Variants in PDE4D observed in about 807,000 individuals in gnomAD.
PDE4D encodes 3',5'-cyclic-AMP phosphodiesterase 4D.
In PDE4D, 24 loss-of-function variants were observed where a neutral mutation model predicts 87.4. The observed-to-expected ratio is 0.27, with a 90% CI of 0.20 to 0.39. The LOEUF (loss-of-function observed/expected upper bound fraction) is 0.39, where lower values mean the gene tolerates loss of function less well. Among genes scored for constraint, PDE4D ranks in the 10% least tolerant of loss-of-function variants. The pLI is 1.00. For missense variants in PDE4D, 714 were observed against 1,041.0 expected (o/e 0.69, Z 4.32); for synonymous variants, 384 against 383.2 (o/e 1.00, Z -0.02).
At chr5:59,171,681 A>G (rs1782780333) in intron 5 of PDE4D, among the ~76,000 whole-genome samples, 2 of 150,590 alleles carry the variant, frequency 1.3e-5, no homozygotes, top group Admixed American at 6.7e-5. Flanking sequence ...GTAATCCTCA[A>G]TCCTCCCCTA....
intron 1 of PDE4D, among the ~76,000 whole-genome samples, chr5:60,495,600 C>A (rs1443890891): frequency 6.6e-6 from 1 of 152,206 alleles, no homozygotes; most frequent in African/African-American, 2.4e-5. Context: ...TATTACCAAT[C>A]AGAATCAATC....
intron 1 of PDE4D, chr5:59,218,091 G>A: frequency 5.3e-6 from 2 of 375,946 alleles, no homozygotes; most frequent in Non-Finnish European, 1.1e-5. Flanking sequence ...CTTCTAAATA[G>A]TGGGGGTTTG....
intron 2 of PDE4D, among the ~76,000 whole-genome samples, chr5:60,104,001 A>G (rs1446205293): frequency 6.6e-6 from 1 of 152,150 alleles, no homozygotes; most frequent in Non-Finnish European, 1.5e-5. Flanking sequence ...AGTGCCAGAC[A>G]GTGGGCGCAG....
intron 11 of PDE4D, among the ~76,000 whole-genome samples, chr5:58,983,029 C>T (rs1013920962): frequency 5.3e-5 from 8 of 152,230 alleles, no homozygotes; most frequent in East Asian, 1.9e-4. Flanking sequence ...TCATTGGCTA[C>T]GGCCCATGAA....
chr5:60,321,315 T>C (rs988592262), intron 1 of PDE4D, among the ~76,000 whole-genome samples: 6 of 152,196 alleles, frequency 3.9e-5, no homozygotes, highest in Admixed American at 3.3e-4. Context: ...CCCTGTTCAA[T>C]AAATGGTGCT....
At chr5:60,358,637 G>T (rs1759814365) in intron 1 of PDE4D, among the ~76,000 whole-genome samples, 1 of 152,078 alleles carries the variant, frequency 6.6e-6, no homozygotes, top group Non-Finnish European at 1.5e-5. Flanking sequence ...TCATCCCAGG[G>T]CCTGAGTCTT....
chr5:59,031,386 TATATATTA>T (rs1248219778), intron 6 of PDE4D, among the ~76,000 whole-genome samples: 4 of 45,466 alleles, frequency 8.8e-5, no homozygotes, highest in South Asian at 7.6e-4. Context: ...TATATATATA[TATATATTA>T]TATATATATA....
intron 1 of PDE4D, among the ~76,000 whole-genome samples, chr5:59,243,236 T>A (rs1258667787): frequency 1.3e-5 from 2 of 152,080 alleles, no homozygotes; most frequent in Non-Finnish European, 2.9e-5. Context: ...TCTGAATTGA[T>A]CATAGAGATA....
intron 1 of PDE4D, among the ~76,000 whole-genome samples, chr5:60,495,633 G>A (rs2150240174): frequency 6.6e-6 from 1 of 152,360 alleles, no homozygotes; most frequent in East Asian, 1.9e-4. Context: ...ATTCTACTTA[G>A]ACTTGACCTT....
intron 1 of PDE4D, among the ~76,000 whole-genome samples, chr5:59,860,100 G>A (rs184837196): frequency 1.2e-4 from 19 of 152,256 alleles, no homozygotes; most frequent in East Asian, 9.7e-4. Flanking sequence ...ATAAGGACCC[G>A]TCGAGTAAGG....
intron 1 of PDE4D, among the ~76,000 whole-genome samples, chr5:59,219,302 T>C (rs1561739183): frequency 6.6e-6 from 1 of 152,108 alleles, no homozygotes; most frequent in Non-Finnish European, 1.5e-5. Context: ...TGAGCATCAT[T>C]AATAGTCTGG....
At chr5:59,920,637 G>C (rs184147719) in intron 3 of PDE4D, among the ~76,000 whole-genome samples, 2 of 152,248 alleles carry the variant, frequency 1.3e-5, no homozygotes, top group South Asian at 2.1e-4. Context: ...AATCCTGGTC[G>C]TGTGACTTTT....
intron 1 of PDE4D, among the ~76,000 whole-genome samples, chr5:59,393,873 G>A (rs547593338): frequency 3.3e-5 from 5 of 152,256 alleles, no homozygotes; most frequent in African/African-American, 1.2e-4. Flanking sequence ...TAGCATTTCA[G>A]AAATAATCTT....
chr5:59,818,870 TAA>T (rs11305744), intron 1 of PDE4D, among the ~76,000 whole-genome samples: 160 of 141,854 alleles, frequency 1.1e-3, no homozygotes, highest in Middle Eastern at 3.6e-3. Context: ...AAAAAGTAGA[TAA>T]AAAAAAAAAC....
At chr5:59,961,131 G>A (rs539237855) in intron 3 of PDE4D, among the ~76,000 whole-genome samples, 3 of 152,066 alleles carry the variant, frequency 2.0e-5, no homozygotes, top group East Asian at 1.9e-4. Context: ...AAGTTCACCC[G>A]GAATAAGAAT....
At chr5:59,154,010 G>C (rs1461119156) in intron 5 of PDE4D, among the ~76,000 whole-genome samples, 1 of 152,164 alleles carries the variant, frequency 6.6e-6, no homozygotes, top group Non-Finnish European at 1.5e-5. Flanking sequence ...GTGCACGTGG[G>C]TGGAAAAAGT....
chr5:59,927,108 T>C (rs879594914), intron 3 of PDE4D, among the ~76,000 whole-genome samples: 22 of 152,204 alleles, frequency 1.4e-4, no homozygotes, highest in Admixed American at 7.9e-4. Flanking sequence ...ATTTAGCTTG[T>C]TTATGATGCT....
At chr5:58,981,791 T>A (rs1346018083) in intron 11 of PDE4D, among the ~76,000 whole-genome samples, 1 of 152,154 alleles carries the variant, frequency 6.6e-6, no homozygotes, top group Non-Finnish European at 1.5e-5. Flanking sequence ...TTATTAGTGG[T>A]CCTGCCTGGA....
chr5:59,913,240 T>C (rs1753644205), intron 3 of PDE4D, among the ~76,000 whole-genome samples: 1 of 152,232 alleles, frequency 6.6e-6, no homozygotes, highest in African/African-American at 2.4e-5. Flanking sequence ...CAGAAATCTG[T>C]GGTCAAGATG....
Sources: allele counts gnomAD v4.1 joint callset (sites outside exome capture counted in the v4.1 genomes callset), GRCh38; gene constraint gnomAD v4.1.1; transcripts MANE v1.5; gene names NCBI Gene and HGNC (gene_info 2026-07-23, HGNC 2026-07-21).